PDLIM5: variants seen among roughly 807,000 people sequenced by gnomAD.
PDLIM5 encodes the protein PDZ and LIM domain protein 5.
In PDLIM5, 34 loss-of-function variants were observed where a neutral mutation model predicts 64.2. The ratio of observed to expected loss-of-function variants is 0.53; its 90% confidence interval spans 0.40 to 0.71. The LOEUF (loss-of-function observed/expected upper bound fraction) is 0.71, where lower values mean the gene tolerates loss of function less well. PDLIM5 is among the 30% of genes least tolerant of loss of function. PDLIM5 has a pLI of 0.00. For synonymous variants in PDLIM5, 253 were observed against 269.1 expected, an observed-to-expected ratio of 0.94 and a Z score of 0.59; for missense variants, 683 against 733.6, an observed-to-expected ratio of 0.93 and a Z score of 0.80.
At position 94,665,742 on chromosome 4, in the gene PDLIM5, A is replaced by G; in HGVS notation, c.*1675A>G. The G allele has an allele frequency of 8.2e-7, 1 of 1,221,766 alleles. No homozygotes were observed. Among genetic ancestry groups the G allele is most frequent in the Non-Finnish European group, 1.0e-6 (1 of 980,282 alleles). The allele number at this position is 1,221,766 out of a possible 1,614,324, so 75.7% of individuals were successfully genotyped here. A position where few individuals can be genotyped will look rare whatever the true frequency, so the allele number is the denominator to read the frequency against. ...AAAAGATTGGTTTGAGGATGTGATG[A>G]AATTGAGACTTTTTGTGGTTTTCTC... On this transcript the variant is annotated 3_prime_UTR_variant, in exon 13 of 13. Coordinates refer to ENST00000317968, the MANE Select transcript of PDLIM5 (RefSeq NM_006457.5).
chr4:94,539,209 TAAC>T (rs1229351475), intron 3 of PDLIM5, among the ~76,000 whole-genome samples: 1 of 152,118 alleles, frequency 6.6e-6, no homozygotes, highest in African/African-American at 2.4e-5. Context: ...CGTGAATAAG[TAAC>T]AAGATGAACA....
At chr4:94,597,424 T>C (rs1737150142) in intron 7 of PDLIM5, among the ~76,000 whole-genome samples, 1 of 152,102 alleles carries the variant, frequency 6.6e-6, no homozygotes, top group East Asian at 1.9e-4. Context: ...AAAAATCCTT[T>C]ATATATGAAA....
intron 7 of PDLIM5, among the ~76,000 whole-genome samples, chr4:94,594,202 G>A (rs1428795227): frequency 6.6e-6 from 1 of 152,090 alleles, no homozygotes; most frequent in Admixed American, 6.5e-5. Flanking sequence ...GCCAAAAGTT[G>A]ACACTTTTTT....
chr4:94,463,830 A>C (rs1406512593), intron 2 of PDLIM5, among the ~76,000 whole-genome samples: 1 of 152,210 alleles, frequency 6.6e-6, no homozygotes, highest in Non-Finnish European at 1.5e-5. Flanking sequence ...AGGAATGGCA[A>C]ATTTCACCCT....
At chr4:94,611,611 A>G (rs1738373235) in intron 7 of PDLIM5, among the ~76,000 whole-genome samples, 1 of 152,234 alleles carries the variant, frequency 6.6e-6, no homozygotes, top group African/African-American at 2.4e-5. Context: ...TAGTTGTTAA[A>G]TATGAAGGTT....
At chr4:94,627,696 A>G (rs1739810712) in intron 8 of PDLIM5, among the ~76,000 whole-genome samples, 1 of 152,218 alleles carries the variant, frequency 6.6e-6, no homozygotes, top group South Asian at 2.1e-4. Flanking sequence ...AAGGCCCACA[A>G]AGCCTAAAAT....
chr4:94,557,646 G>A (rs1733469236), intron 3 of PDLIM5, among the ~76,000 whole-genome samples: 2 of 152,094 alleles, frequency 1.3e-5, no homozygotes, highest in Admixed American at 1.3e-4. Context: ...GGATTCCTAG[G>A]TATTTTATTC....
At chr4:94,479,109 A>G (rs1273040148) in intron 2 of PDLIM5, among the ~76,000 whole-genome samples, 1 of 151,284 alleles carries the variant, frequency 6.6e-6, no homozygotes, top group Admixed American at 6.6e-5. Flanking sequence ...CATGTTGCCC[A>G]GGCTGGCCTC....
intron 3 of PDLIM5, among the ~76,000 whole-genome samples, chr4:94,539,000 A>G (rs1249805353): frequency 6.6e-6 from 1 of 152,222 alleles, no homozygotes; most frequent in East Asian, 1.9e-4. Flanking sequence ...AACTAAGGAC[A>G]GTGATAAAGT....
intron 6 of PDLIM5, among the ~76,000 whole-genome samples, 198 bp from the exon 7 acceptor site, chr4:94,586,210 A>G (rs906692367): frequency 6.6e-6 from 1 of 152,142 alleles, no homozygotes; most frequent in African/African-American, 2.4e-5. Flanking sequence ...CCAGCCCAGG[A>G]GAGTAACATT....
rs1240796152 is a variant in PDLIM5, at chr4:94,640,321, C to T, written c.1154C>T (p.Ser385Leu). ...TCAAACAGCGCTACTTACTCAGGAT[C>T]AGTGGCACCAGCCAACTCAGCTTTG... Reference protein sequence around the residue: ...RISNSATYSGSVAPANSALGQ... With the variant: ...RISNSATYSGLVAPANSALGQ... The change falls in exon 9 of 13, where the codon TCA (serine) becomes TTA (leucine). Residue 385 changes from serine to leucine, a missense_variant. Physicochemically the swap from Ser to Leu is moderately radical, Grantham distance 145. Transcript: ENST00000317968. 6.2e-7 allele frequency: 1 copy of T among 1,611,058 alleles called. No homozygotes were observed. The highest frequency in any genetic ancestry group is 2.2e-5 in the East Asian group (1 of 44,850).
chr4:94,607,676 C>G (rs530093113), intron 7 of PDLIM5, among the ~76,000 whole-genome samples: 1 of 152,158 alleles, frequency 6.6e-6, no homozygotes, highest in African/African-American at 2.4e-5. Flanking sequence ...ACAGGCAGAC[C>G]TGGTCCAAAT....
At chr4:94,478,890 G>GTTTTTTTTTTTTTTTTTTTT (rs67013211) in intron 2 of PDLIM5, among the ~76,000 whole-genome samples, 1 of 94,124 alleles carries the variant, frequency 1.1e-5, no homozygotes, top group African/African-American at 4.5e-5. Context: ...TGTGCTTGGT[G>GTTTTTTTTTTTTTTTTTTTT]TTTTTTTTTT....
At chr4:94,489,752 C>T (rs1312405647) in intron 2 of PDLIM5, among the ~76,000 whole-genome samples, 3 of 151,930 alleles carry the variant, frequency 2.0e-5, no homozygotes, top group Non-Finnish European at 2.9e-5. Flanking sequence ...ATAGGGAAGG[C>T]CCCATCTCTA....
At chr4:94,551,257 T>C (rs771149671) in intron 3 of PDLIM5, among the ~76,000 whole-genome samples, 6 of 152,122 alleles carry the variant, frequency 3.9e-5, no homozygotes, top group Non-Finnish European at 8.8e-5. Flanking sequence ...ATTTAACAAA[T>C]TTAGCTTATT....
At chr4:94,589,374 G>T (rs553348226) in intron 7 of PDLIM5, among the ~76,000 whole-genome samples, 1 of 152,160 alleles carries the variant, frequency 6.6e-6, no homozygotes, top group Admixed American at 6.5e-5. Context: ...TAAAAATGAA[G>T]TATTTAGTGT....
At chr4:94,495,281 C>A (rs1187149147) in intron 2 of PDLIM5, among the ~76,000 whole-genome samples, 2 of 152,178 alleles carry the variant, frequency 1.3e-5, no homozygotes, top group Non-Finnish European at 2.9e-5. Context: ...TGTGAACATA[C>A]ATGACAAAAA....
intron 2 of PDLIM5, among the ~76,000 whole-genome samples, chr4:94,480,238 T>C (rs905754302): frequency 1.3e-5 from 2 of 152,240 alleles, no homozygotes; most frequent in Admixed American, 6.5e-5. Flanking sequence ...AAGTAAGATA[T>C]GGTAAACATT....
chr4:94,528,181 A>G (rs1730541861), intron 3 of PDLIM5, among the ~76,000 whole-genome samples: 1 of 152,096 alleles, frequency 6.6e-6, no homozygotes. Flanking sequence ...TTTCATCTGA[A>G]ATGCCCACCA....
Sources: gnomAD v4.1 joint callset for allele counts (sites outside exome capture counted in the v4.1 genomes callset) on GRCh38, gnomAD v4.1.1 for gene constraint, MANE v1.5 for transcripts, NCBI Gene and HGNC (gene_info 2026-07-23, HGNC 2026-07-21) for gene names.